EPRS1: variants seen among roughly 807,000 people sequenced by gnomAD.
The protein encoded by EPRS1 is bifunctional glutamate/proline--tRNA ligase.
A neutral mutation model predicts 188.3 loss-of-function variants in EPRS1; 107 were observed. The observed-to-expected ratio is 0.57, with a 90% CI of 0.49 to 0.67. The LOEUF (loss-of-function observed/expected upper bound fraction) is 0.67, where lower values mean the gene tolerates loss of function less well. Among genes scored for constraint, EPRS1 ranks in the 30% least tolerant of loss-of-function variants. The probability of loss-of-function intolerance (pLI) is 0.00; values close to 1 mark genes in which losing one functional copy is unlikely to be tolerated. For synonymous variants in EPRS1, 596 were observed against 593.1 expected, an observed-to-expected ratio of 1.00 and a Z score of -0.07; for missense variants, 1,577 against 1,802.2, an observed-to-expected ratio of 0.88 and a Z score of 2.26.
At chr1:219,979,678 T>A in intron 26 of EPRS1, 63 bp from the exon 27 acceptor site, 3 of 1,121,480 alleles carry the variant, frequency 2.7e-6, no homozygotes, top group Non-Finnish European at 4.0e-6. Context: ...TGAAAATGAT[T>A]ACTATAAGAT....
chr1:219,981,624 GA>G (rs1660901895), intron 23 of EPRS1, among the ~76,000 whole-genome samples, 167 bp from the exon 24 acceptor site: 1 of 152,088 alleles, frequency 6.6e-6, no homozygotes, highest in Non-Finnish European at 1.5e-5. Flanking sequence ...TATAATAAGT[GA>G]ATAGTATTAT....
Position 220,034,917 on chromosome 1 carries a change from A to C in EPRS1, c.228T>G (p.Thr76=). The C allele has an allele frequency of 6.4e-7, 1 of 1,550,464 alleles. No individual in the cohort carries two copies. Residue 76 remains threonine (T), a synonymous_variant, in exon 3 of 32, where the codon ACT becomes ACG. Coordinates refer to ENST00000366923, the MANE Select transcript of EPRS1 (RefSeq NM_004446.3). ...GLYGSNLMEH[T]EIDHWLEFSA... ...CAACAAAATGTTCATTGCTTACCTC[A>C]GTATGTTCCATCAGATTAGAGCCAT... is the stretch of plus-strand genomic sequence containing the variant.
At chr1:219,996,890 A>AGCAGT (rs1661245057) in intron 18 of EPRS1, 93 bp downstream of exon 18, 1 of 1,275,962 alleles carries the variant, frequency 7.8e-7, no homozygotes, top group East Asian at 2.3e-5. Flanking sequence ...TCAAAATATG[A>AGCAGT]GCAGTCGATG....
chr1:220,032,287 C>A, intron 5 of EPRS1, 100 bp downstream of exon 5: 1 of 849,520 alleles, frequency 1.2e-6, no homozygotes, highest in Non-Finnish European at 1.7e-6. Flanking sequence ...GCGGTTTCAC[C>A]GTGTTATTCA....
intron 16 of EPRS1, among the ~76,000 whole-genome samples, chr1:220,002,945 C>G (rs1281913937): frequency 6.6e-6 from 1 of 152,184 alleles, no homozygotes. Flanking sequence ...TGTAAACATT[C>G]ATGTACACAT....
chr1:220,020,131 T>A lies in EPRS1; in HGVS notation c.1206A>T (p.Arg402Ser). 6.2e-7 allele frequency: 1 copy of A among 1,614,084 alleles called. No homozygotes were observed. Among genetic ancestry groups the A allele is most frequent in the Non-Finnish European group, 8.5e-7 (1 of 1,179,950 alleles). The stretch of plus-strand genomic sequence containing the variant: ...CAATAATCCAGTAAAACTGCTCATC[T>A]CTGTCATGGTATTCTGTTGTTCTCA... ...HALRTTEYHD[R>S]DEQFYWIIEA... is the part of the protein sequence containing the mutation. The change falls in exon 10 of 32, where the codon AGA becomes AGT. Residue 402 changes from arginine to serine, a missense_variant. Transcript: ENST00000366923.
At position 220,019,027 on chromosome 1, in the gene EPRS1, C is replaced by A; in HGVS notation, c.1402G>T (p.Val468Phe). The A allele has an allele frequency of 6.2e-7, 1 of 1,613,290 alleles. No individual in the cohort carries two copies. The highest frequency in any genetic ancestry group is 8.5e-7 in the Non-Finnish European group (1 of 1,179,396). The change falls in exon 11 of 32, where the codon GTT (valine) becomes TTT (phenylalanine). Residue 468 changes from valine (V) to phenylalanine (F), a missense_variant. Around this residue, in one of 3 missense-constraint regions of EPRS1, gnomAD observed 1,278 missense variants for 1,457.4 expected, o/e 0.88. Coordinates refer to ENST00000366923, the MANE Select transcript of EPRS1 (RefSeq NM_004446.3). ...GCAATAAACTGTTTCAGTCCTTCAA[C>A]TGTCATCCCTCTTCTCAGTACACCA... is the stretch of plus-strand genomic sequence containing the variant. ...VRGVLRRGMT[V>F]EGLKQFIAAQ... is the part of the protein sequence containing the mutation.
chr1:219,973,773 C>T (rs1299284390), intron 28 of EPRS1, among the ~76,000 whole-genome samples: 1 of 152,148 alleles, frequency 6.6e-6, no homozygotes, highest in African/African-American at 2.4e-5. Flanking sequence ...TAACATGACA[C>T]ATTTTTGACT....
intron 18 of EPRS1, among the ~76,000 whole-genome samples, chr1:219,992,101 T>C (rs1661135408): frequency 6.6e-6 from 1 of 152,194 alleles, no homozygotes; most frequent in Non-Finnish European, 1.5e-5. Context: ...CTTAAAGCTA[T>C]CTGGGGTGAG....
chr1:220,025,352 G>C, intron 6 of EPRS1, 94 bp from the exon 7 acceptor site: 9 of 884,384 alleles, frequency 1.0e-5, no homozygotes, highest in Non-Finnish European at 1.4e-5. Flanking sequence ...CTAAACAAAA[G>C]TCCTTCTAAT....
intron 5 of EPRS1, among the ~76,000 whole-genome samples, 186 bp from the exon 6 acceptor site, chr1:220,030,666 T>TA (rs1224832570): frequency 6.6e-6 from 1 of 152,162 alleles, no homozygotes; most frequent in Non-Finnish European, 1.5e-5. Flanking sequence ...ATACCAGTAA[T>TA]ACAGATATGT....
At chr1:220,038,163 A>C (rs556433316) in intron 2 of EPRS1, among the ~76,000 whole-genome samples, 1 of 150,540 alleles carries the variant, frequency 6.6e-6, no homozygotes, top group East Asian at 2.0e-4. Flanking sequence ...GCTCACTGCA[A>C]CCTCCACCTC....
intron 5 of EPRS1, 116 bp downstream of exon 5, chr1:220,032,271 A>G: frequency 1.5e-6 from 1 of 673,898 alleles, no homozygotes; most frequent in Non-Finnish European, 2.2e-6. Context: ...TATTTTTAGC[A>G]GAGATGCGGT....
At chr1:220,034,388 T>C (rs1662138735) in intron 3 of EPRS1, among the ~76,000 whole-genome samples, 2 of 152,160 alleles carry the variant, frequency 1.3e-5, no homozygotes, top group African/African-American at 4.8e-5. Flanking sequence ...TCTATGATGT[T>C]GACAGAATGA....
intron 28 of EPRS1, 91 bp from the exon 29 acceptor site, chr1:219,973,489 T>TA: frequency 2.4e-6 from 2 of 827,026 alleles, no homozygotes; most frequent in Non-Finnish European, 3.3e-6. Context: ...CCATAAATTA[T>TA]AAAAAACCCA....
chr1:219,981,973 G>A (rs1449793241), intron 23 of EPRS1, among the ~76,000 whole-genome samples: 1 of 152,182 alleles, frequency 6.6e-6, no homozygotes, highest in Non-Finnish European at 1.5e-5. Flanking sequence ...GAGTATGAAA[G>A]CTCTTGCAAT....
chr1:219,983,734 A>G (rs1004006777), intron 21 of EPRS1, among the ~76,000 whole-genome samples: 2 of 152,022 alleles, frequency 1.3e-5, no homozygotes, highest in Admixed American at 6.6e-5. Flanking sequence ...CTCTACTAAA[A>G]CTACAAAAAT....
chr1:219,974,413 G>T (rs1045925608), intron 28 of EPRS1, among the ~76,000 whole-genome samples: 2 of 152,266 alleles, frequency 1.3e-5, no homozygotes, highest in Admixed American at 1.3e-4. Context: ...TGTGTATCCC[G>T]TAAGGGGATT....
At position 219,978,447 on chromosome 1, in the gene EPRS1, G is replaced by A. The variant is rs992289572; in HGVS notation, c.4083+99C>T. 106 of 877,298 alleles carry A rather than the reference G, an allele frequency of 1.2e-4. 2 individuals carry two copies. The East Asian group carries it at 2.9e-3, about 24-fold the overall frequency. The allele number at this position is 877,298 out of a possible 1,614,324, so 54.3% of individuals were successfully genotyped here. A position where few individuals can be genotyped will look rare whatever the true frequency, so the allele number is the denominator to read the frequency against. ...GAAAACTCACAACTATCAAAATAGA[G>A]GAAAGTAATGAGAAACCTCGTTTTA... On this transcript the variant is annotated intron_variant, in intron 28 of 31. Transcript: ENST00000366923.
Sources: allele counts gnomAD v4.1 joint callset (sites outside exome capture counted in the v4.1 genomes callset), GRCh38; gene constraint gnomAD v4.1.1; regional missense constraint gnomAD v4.1.1; transcripts MANE v1.5; gene names NCBI Gene and HGNC (gene_info 2026-07-23, HGNC 2026-07-21).